Variants in CAPN13 observed in about 807,000 individuals in gnomAD.
CAPN13 encodes the protein calpain-13.
A neutral mutation model predicts 98.4 loss-of-function variants in CAPN13; 90 were observed. The ratio of observed to expected loss-of-function variants is 0.92; its 90% CI spans 0.77 to 1.09. The LOEUF is 1.09. CAPN13 is among the 50% of genes least tolerant of loss of function. The pLI is 0.00. For missense variants in CAPN13, 887 were observed against 841.3 expected, an observed-to-expected ratio of 1.05 and a Z score of -0.67; for synonymous variants, 330 against 305.5, an observed-to-expected ratio of 1.08 and a Z score of -0.84.
chr2:30,752,939 A>G, intron 10 of CAPN13, 114 bp downstream of exon 10: 1 of 1,182,686 alleles, frequency 8.5e-7, no homozygotes, highest in Admixed American at 2.1e-5. Flanking sequence ...CCCTCCTTTC[A>G]GCTTCAGGCT....
chr2:30,791,160 G>A (rs901873497), intron 1 of CAPN13, among the ~76,000 whole-genome samples: 1 of 152,102 alleles, frequency 6.6e-6, no homozygotes, highest in Non-Finnish European at 1.5e-5. Flanking sequence ...GGGTCATGTC[G>A]GTAAGGTTCT....
intron 19 of CAPN13, among the ~76,000 whole-genome samples, chr2:30,733,955 AC>A (rs1330428624): frequency 6.6e-6 from 1 of 152,178 alleles, no homozygotes; most frequent in African/African-American, 2.4e-5. Context: ...ACCATGGAGA[AC>A]TTATGCACCC....
chr2:30,797,355 G>A (rs1261256633), intron 1 of CAPN13, among the ~76,000 whole-genome samples: 1 of 152,154 alleles, frequency 6.6e-6, no homozygotes, highest in Non-Finnish European at 1.5e-5. Flanking sequence ...AGGAAAAAGA[G>A]GCAGCATGGA....
At position 30,734,599 on chromosome 2, in the gene CAPN13, C is replaced by G. The variant is rs181344448; in HGVS notation, c.1723-75G>C. 58 of 1,216,892 alleles carry G rather than the reference C, an allele frequency of 4.8e-5. No individual in the cohort carries two copies. The African/African-American group carries it at 7.3e-4, about 15-fold the overall frequency. The allele number at this position is 1,216,892 out of a possible 1,614,324, so 75.4% of individuals were successfully genotyped here. On this transcript the variant is annotated intron_variant, in intron 18 of 22. Coordinates refer to ENST00000295055, the MANE Select transcript of CAPN13 (RefSeq NM_144575.3). ...GGATACTCCTTTTCCATCCTGGGAG[C>G]TTGCTTCCCTAAACCTCAGAGGAAG...
chr2:30,747,996 T>G (rs1241913637), intron 11 of CAPN13, among the ~76,000 whole-genome samples: 1 of 152,202 alleles, frequency 6.6e-6, no homozygotes, highest in Non-Finnish European at 1.5e-5. Flanking sequence ...GGTTACAATC[T>G]TGGTAGGGTT....
intron 2 of CAPN13, among the ~76,000 whole-genome samples, chr2:30,778,807 C>T (rs893908934): frequency 2.0e-5 from 3 of 152,192 alleles, no homozygotes; most frequent in African/African-American, 7.2e-5. Flanking sequence ...GGGAGGGGAA[C>T]TCTCAGGCCC....
intron 10 of CAPN13, 60 bp from the exon 11 acceptor site, chr2:30,751,311 C>A: frequency 6.3e-7 from 1 of 1,585,386 alleles, no homozygotes; most frequent in Non-Finnish European, 8.6e-7. Context: ...CTGGGCAGGG[C>A]CATGTCCAGT....
intron 13 of CAPN13, chr2:30,743,134 A>G: frequency 1.9e-6 from 1 of 522,432 alleles, no homozygotes; most frequent in Non-Finnish European, 3.4e-6. Context: ...CCCTCTTGCC[A>G]CTCAGTCCTC....
intron 11 of CAPN13, among the ~76,000 whole-genome samples, chr2:30,750,442 AC>A (rs1393139308): frequency 6.6e-6 from 1 of 152,068 alleles, no homozygotes; most frequent in South Asian, 2.1e-4. Context: ...CTTCACATGT[AC>A]CCCCAAACCT....
intron 2 of CAPN13, among the ~76,000 whole-genome samples, chr2:30,785,022 C>G (rs1363060440): frequency 6.6e-6 from 1 of 152,158 alleles, no homozygotes; most frequent in Non-Finnish European, 1.5e-5. Context: ...AGTACATTGG[C>G]TTTTTCCTTT....
chr2:30,735,512 T>C lies in CAPN13; in HGVS notation c.1723-988A>G, dbSNP rs1442971731. Among the ~76,000 whole-genome samples, 3 of 152,194 alleles carry C rather than the reference T, an allele frequency of 2.0e-5. No individual in the cohort carries two copies. In the South Asian group the frequency reaches 6.2e-4, roughly 32 times the overall value. On this transcript the variant is annotated intron_variant, in intron 18 of 22. Transcript: ENST00000295055. ...AATTCATTCGTTCATTCGGAATTTC[T>C]TCAGTCATTGATTCAGCATTTTGAA...
In CAPN13 at chr2:30,741,898, G is replaced by C; in HGVS notation, c.1536+10C>G. ...TCCCACGTAAGGCCCCTGGGTGCTA[G>C]GTACCATACCTGCTGAGCATATCTG... On this transcript the variant is annotated intron_variant, in intron 15 of 22. Transcript: ENST00000295055. 1 of 1,613,984 alleles carries C rather than the reference G, an allele frequency of 6.2e-7. No individual in the cohort carries two copies. The highest frequency in any genetic ancestry group is 8.5e-7 in the Non-Finnish European group (1 of 1,179,872).
In CAPN13 at chr2:30,751,353, T is replaced by C. The variant is rs781330687; in HGVS notation, c.1088-102A>G. On this transcript the variant is annotated intron_variant, in intron 10 of 22. Coordinates refer to ENST00000295055, the MANE Select transcript of CAPN13 (RefSeq NM_144575.3). ...AGTTCTGTGGGGTTGTGTTGTGAAC[T>C]CTGGATTGGAGACCTAAGGCCTGGA... 4.6e-6 allele frequency: 6 copies of C among 1,308,688 alleles called. No individual in the cohort carries two copies. The Middle Eastern group carries it at 6.5e-4, about 143-fold the overall frequency. 81.1% of individuals were successfully genotyped at this position (1,308,688 alleles called of 1,614,324 possible).
intron 1 of CAPN13, among the ~76,000 whole-genome samples, chr2:30,791,568 C>T (rs991161054): frequency 2.6e-5 from 4 of 152,182 alleles, no homozygotes; most frequent in Admixed American, 6.5e-5. Context: ...AGAAAGCCTT[C>T]GATAAAGAAA....
rs1473028937 is a variant in CAPN13, at chr2:30,723,044, G to A, written c.*223C>T. The A allele has an allele frequency of 6.6e-6, 1 of 152,234 alleles. No individual in the cohort carries two copies. Among genetic ancestry groups the A allele is most frequent in the Non-Finnish European group, 1.5e-5 (1 of 68,058 alleles). The allele number at this position is 152,234 out of a possible 1,614,324, so 9.4% of individuals were successfully genotyped here. ...ACGTAGGCTGAATACATCCCAAAGT[G>A]CTCAGATGAGCTGCTTGGTGGCCAC... On this transcript the variant is annotated 3_prime_UTR_variant, in exon 23 of 23. Transcript: ENST00000295055.
chr2:30,762,563 T>A (rs1672902219), intron 7 of CAPN13, among the ~76,000 whole-genome samples: 1 of 152,144 alleles, frequency 6.6e-6, no homozygotes, highest in Non-Finnish European at 1.5e-5. Flanking sequence ...AGATGAGGGA[T>A]CAGAGCAGCT....
chr2:30,727,519 T>G (rs148592629), intron 22 of CAPN13, among the ~76,000 whole-genome samples: 1 of 152,158 alleles, frequency 6.6e-6, no homozygotes, highest in Admixed American at 6.5e-5. Flanking sequence ...AAATGAACAT[T>G]TCGCCGAAGA....
At chr2:30,725,378 T>A (rs1431831893) in intron 22 of CAPN13, among the ~76,000 whole-genome samples, 1 of 152,242 alleles carries the variant, frequency 6.6e-6, no homozygotes, top group African/African-American at 2.4e-5. Context: ...CATATACCTA[T>A]ATCCCAATCT....
In CAPN13 at chr2:30,776,221, A is replaced by G. The variant is rs151166261; in HGVS notation, c.272-176T>C. On this transcript the variant is annotated intron_variant, in intron 3 of 22. Coordinates refer to ENST00000295055, the MANE Select transcript of CAPN13 (RefSeq NM_144575.3). ...GTCACAGGGACTGGCTCCAAGCAAG[A>G]TAAAGAAGGGGCAGTGGTGGTGGTG... is the stretch of plus-strand genomic sequence containing the variant. Among the ~76,000 whole-genome samples, 384 of 152,196 alleles carry G rather than the reference A, an allele frequency of 2.5e-3. 1 individual carries two copies. Among genetic ancestry groups the G allele is most frequent in the Middle Eastern group, 0.017 (5 of 294 alleles).
Sources: gnomAD v4.1 joint callset for allele counts (sites outside exome capture counted in the v4.1 genomes callset) on GRCh38, gnomAD v4.1.1 for gene constraint, MANE v1.5 for transcripts, NCBI Gene and HGNC (gene_info 2026-07-23, HGNC 2026-07-21) for gene names.